The following ENOSF1 variants were observed in gnomAD, a reference collection of about 807,000 sequenced individuals.
ENOSF1 encodes enolase superfamily member 1, also known as mitochondrial enolase superfamily member 1.
In ENOSF1, 73 loss-of-function variants were observed where a neutral mutation model predicts 68.2. The observed-to-expected ratio is 1.07, with a 90% CI of 0.89 to 1.30. ENOSF1 has a LOEUF of 1.30. ENOSF1 is among the 50% of genes most tolerant of loss of function. ENOSF1 has a pLI of 0.00. For synonymous variants in ENOSF1, 223 were observed against 210.4 expected (o/e 1.06, Z -0.52); for missense variants, 589 against 554.5 (o/e 1.06, Z -0.62).
intron 15 of ENOSF1, 40 bp downstream of exon 15, chr18:675,281 G>A: frequency 6.6e-7 from 1 of 1,515,168 alleles, no homozygotes; most frequent in Non-Finnish European, 9.1e-7. Flanking sequence ...GCAGTGGCTG[G>A]CAGCATCTCT....
At chr18:685,301 G>C (rs1448887787) in intron 10 of ENOSF1, among the ~76,000 whole-genome samples, 1 of 151,638 alleles carries the variant, frequency 6.6e-6, no homozygotes, top group Non-Finnish European at 1.5e-5. Context: ...CACAGCATCT[G>C]GCCAGCCCAG....
chr18:712,165 G>T (rs989101102), intron 1 of ENOSF1, among the ~76,000 whole-genome samples: 9 of 152,168 alleles, frequency 5.9e-5, no homozygotes, highest in African/African-American at 1.9e-4. Flanking sequence ...CTAAACTCCA[G>T]CAAAGAAAAA....
chr18:687,817 T>C (rs2076756561), intron 9 of ENOSF1: 1 of 152,778 alleles, frequency 6.5e-6, no homozygotes, highest in African/African-American at 2.4e-5. Flanking sequence ...AGCCTGGCTC[T>C]TGGGAACTGG....
At position 693,454 on chromosome 18, in the gene ENOSF1, C is replaced by A. The variant is rs2077405734; in HGVS notation, c.423+428G>T. The A allele has an allele frequency of 3.0e-6, 3 of 985,152 alleles. No homozygotes were observed. In the African/African-American group the frequency reaches 5.2e-5, roughly 17 times the overall value. The allele number at this position is 985,152 out of a possible 1,614,324, so 61.0% of individuals were successfully genotyped here. On this transcript the variant is annotated intron_variant, in intron 5 of 15. Transcript: ENST00000647584. ...CCTTCCAAAGTATTGGGATTACAGGCTTGAGCCACCATGCCTGGCCTGGAT... is the reference window on the plus strand; with the variant it reads ...CCTTCCAAAGTATTGGGATTACAGGATTGAGCCACCATGCCTGGCCTGGAT...
chr18:677,708 G>A (rs755277578), intron 13 of ENOSF1, 35 bp downstream of exon 13: 3 of 1,594,262 alleles, frequency 1.9e-6, no homozygotes. Flanking sequence ...GTGGGGAAAT[G>A]AAGGTCTGGT....
At chr18:693,227 A>G in intron 5 of ENOSF1, 1 of 1,289,170 alleles carries the variant, frequency 7.8e-7, no homozygotes, top group Non-Finnish European at 1.0e-6. Context: ...ATAGCTTTAG[A>G]ATTCAGTGTT....
Position 688,558 on chromosome 18 carries a change from C to T in ENOSF1, c.653+16G>A. 6.2e-7 allele frequency: 1 copy of T among 1,614,010 alleles called. No homozygotes were observed. The highest frequency in any genetic ancestry group is 1.3e-5 in the African/African-American group (1 of 75,046). ...CTGCCGCCAACTGGGAAAGTCAGGT[C>T]CATCATCACACTCACCTGGTCCAGC... is the stretch of plus-strand genomic sequence containing the variant. On this transcript the variant is annotated intron_variant, in intron 9 of 15. Coordinates refer to ENST00000647584, the MANE Select transcript of ENOSF1 (RefSeq NM_017512.7).
chr18:693,206 C>G, intron 5 of ENOSF1: 2 of 1,289,134 alleles, frequency 1.6e-6, no homozygotes, highest in Non-Finnish European at 2.0e-6. Flanking sequence ...AGAAAGAAAA[C>G]AGTCAAGTGC....
rs761017923 is a variant in ENOSF1, at chr18:677,885, T to C, written c.919-13A>G. 4 of 1,610,494 alleles carry C rather than the reference T, an allele frequency of 2.5e-6. No homozygotes were observed. The highest frequency in any genetic ancestry group is 2.7e-5 in the African/African-American group (2 of 74,774). On this transcript the variant is annotated splice_polypyrimidine_tract_variant and intron_variant, in intron 12 of 15. Coordinates refer to ENST00000647584, the MANE Select transcript of ENOSF1 (RefSeq NM_017512.7). ...CTCTATTGTGGCACTGGAAATAGAA[T>C]TGAAAATAACACCAACAGAAGAGTC...
intron 2 of ENOSF1, among the ~76,000 whole-genome samples, chr18:703,308 CCAGGG>C (rs2145374608): frequency 6.6e-6 from 1 of 152,166 alleles, no homozygotes; most frequent in East Asian, 1.9e-4. Context: ...ATCTTAGTGC[CCAGGG>C]CCCCTCCACG....
intron 14 of ENOSF1, among the ~76,000 whole-genome samples, chr18:676,423 A>G (rs2075522296): frequency 6.6e-6 from 1 of 151,998 alleles, no homozygotes; most frequent in Admixed American, 6.6e-5. Context: ...TTATCACAAG[A>G]TCTGTTGTTT....
chr18:701,151 T>C (rs1240343656), intron 2 of ENOSF1, among the ~76,000 whole-genome samples: 2 of 152,130 alleles, frequency 1.3e-5, no homozygotes, highest in African/African-American at 4.8e-5. Context: ...TTTTTAAAAA[T>C]TTTGTCTATT....
chr18:704,011 T>G (rs750641716), intron 2 of ENOSF1, among the ~76,000 whole-genome samples: 6 of 152,184 alleles, frequency 3.9e-5, no homozygotes, highest in Non-Finnish European at 7.3e-5. Context: ...TGATTGTAAG[T>G]GTCCTGAAGC....
chr18:701,661 G>A (rs2078357095), intron 2 of ENOSF1, among the ~76,000 whole-genome samples: 1 of 151,782 alleles, frequency 6.6e-6, no homozygotes, highest in African/African-American at 2.4e-5. Context: ...AGAGGCTGAG[G>A]CAGGAGAATG....
intron 2 of ENOSF1, among the ~76,000 whole-genome samples, chr18:698,709 G>A (rs772479074): frequency 5.3e-5 from 8 of 151,972 alleles, no homozygotes; most frequent in African/African-American, 1.7e-4. Flanking sequence ...CAATCTCTGC[G>A]TCCTGGGCTC....
chr18:667,137 T>TGATGGTGATGGTGATGGA (rs2074853772), downstream of ENOSF1, among the ~76,000 whole-genome samples: 2 of 61,108 alleles, frequency 3.3e-5, no homozygotes, highest in Admixed American at 1.5e-4. Flanking sequence ...ATGGAGATGG[T>TGATGGTGATGGTGATGGA]GATGGTGATG....
chr18:683,309 C>G lies in ENOSF1; in HGVS notation c.813G>C (p.Lys271Asn). Reference sequence around the variant, plus strand: ...AGGTTGGCTCCTCAATCCACAATGGCTTGAACTTGGCCAGCTTGGACATCC... The same window carrying G: ...AGGTTGGCTCCTCAATCCACAATGGGTTGAACTTGGCCAGCTTGGACATCC... ...VEWMSKLAKF[K>N]PLWIEEPTSP... is the part of the protein sequence containing the mutation. The change falls in exon 11 of 16, where the codon AAG becomes AAC. Residue 271 changes from lysine (K) to asparagine (N), a missense_variant. Coordinates refer to ENST00000647584, the MANE Select transcript of ENOSF1 (RefSeq NM_017512.7). 6.2e-7 allele frequency: 1 copy of G among 1,614,162 alleles called. No homozygotes were observed. Among genetic ancestry groups the G allele is most frequent in the Non-Finnish European group, 8.5e-7 (1 of 1,180,024 alleles).
chr18:700,982 T>G (rs1187808068), intron 2 of ENOSF1, among the ~76,000 whole-genome samples: 4 of 151,402 alleles, frequency 2.6e-5, no homozygotes, highest in Non-Finnish European at 5.9e-5. Flanking sequence ...GAAAGCAGCT[T>G]CTTGGCAACT....
chr18:694,824 ATATGT>A (rs2077557006), intron 3 of ENOSF1, among the ~76,000 whole-genome samples: 1 of 152,070 alleles, frequency 6.6e-6, no homozygotes, highest in African/African-American at 2.4e-5. Flanking sequence ...CTCTCTATAT[ATATGT>A]TAAGTATATG....
Sources: allele counts gnomAD v4.1 joint callset (sites outside exome capture counted in the v4.1 genomes callset), GRCh38; gene constraint gnomAD v4.1.1; transcripts MANE v1.5; gene names NCBI Gene and HGNC (gene_info 2026-07-23, HGNC 2026-07-21).